The following WDR70 variants were observed in gnomAD, a reference collection of about 807,000 sequenced individuals.
WDR70 encodes WD repeat-containing protein 70.
WDR70 carries 53 observed loss-of-function variants against 88.6 expected under a neutral mutation model. The observed-to-expected ratio is 0.60, with a 90% CI of 0.48 to 0.75. The LOEUF (loss-of-function observed/expected upper bound fraction) is 0.75, where lower values mean the gene tolerates loss of function less well. Among genes scored for constraint, WDR70 ranks in the 30% least tolerant of loss-of-function variants. WDR70 has a pLI of 0.00. For missense variants in WDR70, 610 were observed against 823.2 expected, an observed-to-expected ratio of 0.74 and a Z score of 3.17; for synonymous variants, 280 against 270.0, an observed-to-expected ratio of 1.04 and a Z score of -0.36.
intron 7 of WDR70, among the ~76,000 whole-genome samples, chr5:37,449,909 C>A (rs557597299): frequency 1.4e-4 from 21 of 152,134 alleles, no homozygotes; most frequent in Non-Finnish European, 2.6e-4. Context: ...CCCCGCACCC[C>A]CTGACAGGCC....
chr5:37,505,428 A>AC (rs1359631751), intron 8 of WDR70, among the ~76,000 whole-genome samples: 1 of 150,526 alleles, frequency 6.6e-6, no homozygotes, highest in Non-Finnish European at 1.5e-5. Flanking sequence ...ATTGAGTGGA[A>AC]CCCCCCTACC....
intron 10 of WDR70, among the ~76,000 whole-genome samples, chr5:37,622,579 A>C (rs1022355873): frequency 6.6e-6 from 1 of 152,376 alleles, no homozygotes; most frequent in Non-Finnish European, 1.5e-5. Flanking sequence ...GGGTGAGTTC[A>C]TGTCCTTTGT....
chr5:37,500,812 G>C (rs971814870), intron 8 of WDR70, among the ~76,000 whole-genome samples: 10 of 134,866 alleles, frequency 7.4e-5, no homozygotes, highest in African/African-American at 2.4e-4. Flanking sequence ...CGCAGCCTCT[G>C]CCTCCCGGGT....
rs1748127987 is a variant in WDR70 at position 37,730,995 on chromosome 5, A to G, written c.1877+3950A>G. ...ATCAGTAGGGGAGTAGAGATGTGTCATGAAGCCATCAAGTGTGCAGTATCA... is the reference window on the plus strand; with the variant it reads ...ATCAGTAGGGGAGTAGAGATGTGTCGTGAAGCCATCAAGTGTGCAGTATCA... On this transcript the variant is annotated intron_variant, in intron 17 of 17. Coordinates refer to ENST00000265107, the MANE Select transcript of WDR70 (RefSeq NM_018034.4). Among the ~76,000 whole-genome samples, 3 of 152,160 alleles carry G rather than the reference A, an allele frequency of 2.0e-5. 1 individual carries two copies. In the South Asian group the frequency reaches 6.2e-4, roughly 32 times the overall value.
chr5:37,638,125 C>T lies in WDR70; in HGVS notation c.1092+32887C>T, dbSNP rs150970666. Among the ~76,000 whole-genome samples, 160 of 152,280 alleles carry T rather than the reference C, an allele frequency of 1.1e-3. 1 individual carries two copies. The highest frequency in any genetic ancestry group is 3.3e-3 in the African/African-American group (139 of 41,574). On this transcript the variant is annotated intron_variant, in intron 10 of 17. Transcript: ENST00000265107. ...CTCCAGCAATTTCGGGATCTACTTT[C>T]CATTCTTTGCCTAATTTCACTTTAT... is the stretch of plus-strand genomic sequence containing the variant.
chr5:37,464,694 A>G (rs1230615102), intron 7 of WDR70, among the ~76,000 whole-genome samples: 2 of 152,158 alleles, frequency 1.3e-5, no homozygotes, highest in Admixed American at 6.5e-5. Flanking sequence ...GTCTCATCAG[A>G]ATCACTCTGC....
intron 10 of WDR70, among the ~76,000 whole-genome samples, chr5:37,639,519 T>TTG (rs1554161032): frequency 1.6e-4 from 25 of 152,132 alleles, no homozygotes; most frequent in African/African-American, 6.0e-4. Flanking sequence ...TCTTAATTCC[T>TTG]TTGTTGTTGT....
intron 9 of WDR70, among the ~76,000 whole-genome samples, chr5:37,527,687 G>C (rs1208808916): frequency 3.9e-5 from 6 of 152,134 alleles, no homozygotes; most frequent in African/African-American, 1.4e-4. Context: ...CCATCAGAGT[G>C]AACAGGCAAC....
intron 13 of WDR70, among the ~76,000 whole-genome samples, chr5:37,710,577 C>T (rs1172526774): frequency 1.3e-5 from 2 of 152,072 alleles, no homozygotes; most frequent in Non-Finnish European, 2.9e-5. Flanking sequence ...TTTACAGGGA[C>T]ACTAAGACAC....
rs879205287 is a variant in WDR70, at chr5:37,519,395, C to T, written c.917+2805C>T. Among the ~76,000 whole-genome samples, 41 of 147,012 alleles carry T rather than the reference C, an allele frequency of 2.8e-4. 1 individual carries two copies. Among genetic ancestry groups the T allele is most frequent in the Admixed American group, 4.1e-4 (6 of 14,772 alleles). On this transcript the variant is annotated intron_variant, in intron 9 of 17. Coordinates refer to ENST00000265107, the MANE Select transcript of WDR70 (RefSeq NM_018034.4). ...TCACTTCCCAGATGGGGCAGCCGGGCGGAGGCGCTCCTCACTTCCCAGACG... is the reference window on the plus strand; with the variant it reads ...TCACTTCCCAGATGGGGCAGCCGGGTGGAGGCGCTCCTCACTTCCCAGACG...
At chr5:37,462,429 AG>A (rs1156545394) in intron 7 of WDR70, among the ~76,000 whole-genome samples, 2 of 152,062 alleles carry the variant, frequency 1.3e-5, no homozygotes, top group East Asian at 3.9e-4. Flanking sequence ...TAGCCTCCTG[AG>A]TAGCTGGGAC....
At chr5:37,465,658 G>GTTT (rs59224939) in intron 7 of WDR70, among the ~76,000 whole-genome samples, 3 of 99,388 alleles carry the variant, frequency 3.0e-5, no homozygotes, top group African/African-American at 6.6e-5. Flanking sequence ...ATTGTCATGA[G>GTTT]TTTTTTTTTT....
At chr5:37,731,431 C>T (rs1748141534) in intron 17 of WDR70, among the ~76,000 whole-genome samples, 1 of 152,108 alleles carries the variant, frequency 6.6e-6, no homozygotes. Context: ...GAGGTCATAT[C>T]AAGGCTGGCC....
At chr5:37,611,551 T>A (rs2886668) in intron 10 of WDR70, among the ~76,000 whole-genome samples, 87,224 of 151,404 alleles carry the variant, frequency 0.58, 25,304 homozygotes, top group African/African-American at 0.62. Context: ...GAGATTTTTT[T>A]AAAAAAATGC....
At chr5:37,431,694 C>T (rs938097588) in intron 5 of WDR70, among the ~76,000 whole-genome samples, 21 of 152,148 alleles carry the variant, frequency 1.4e-4, no homozygotes, top group African/African-American at 5.1e-4. Context: ...ACTCTATATC[C>T]ATTAAATAGC....
intron 10 of WDR70, among the ~76,000 whole-genome samples, chr5:37,671,372 T>C (rs1177152288): frequency 2.0e-5 from 3 of 152,132 alleles, no homozygotes; most frequent in Admixed American, 6.5e-5. Context: ...GACAGGGAAA[T>C]AGCAGATTAA....
At chr5:37,393,782 GT>G (rs1748921242) in intron 4 of WDR70, among the ~76,000 whole-genome samples, 2 of 152,186 alleles carry the variant, frequency 1.3e-5, no homozygotes, top group African/African-American at 4.8e-5. Flanking sequence ...CCAGACTCAA[GT>G]GATCCTCCCA....
At chr5:37,581,391 T>C (rs1743213032) in intron 9 of WDR70, among the ~76,000 whole-genome samples, 1 of 152,208 alleles carries the variant, frequency 6.6e-6, no homozygotes, top group Admixed American at 6.5e-5. Flanking sequence ...ATTAGGAAAC[T>C]GAGGCTCTGA....
intron 5 of WDR70, among the ~76,000 whole-genome samples, chr5:37,404,310 A>G (rs1312477022): frequency 1.3e-5 from 2 of 152,202 alleles, no homozygotes; most frequent in African/African-American, 4.8e-5. Context: ...GTCATGTCTC[A>G]TGGATACCTA....
Sources: allele counts gnomAD v4.1 joint callset (sites outside exome capture counted in the v4.1 genomes callset), GRCh38; gene constraint gnomAD v4.1.1; transcripts MANE v1.5; gene names NCBI Gene and HGNC (gene_info 2026-07-23, HGNC 2026-07-21).